Variants in PAK1 observed in about 807,000 individuals in gnomAD.
The protein encoded by PAK1 is serine/threonine-protein kinase PAK 1.
Under a neutral mutation model 67.4 loss-of-function variants are expected in PAK1, and 29 were observed. The ratio of observed to expected loss-of-function variants is 0.43; its 90% CI spans 0.32 to 0.59. PAK1 has a LOEUF of 0.59. PAK1 is among the 20% of genes least tolerant of loss of function. The probability of loss-of-function intolerance (pLI) is 0.07; values close to 1 mark genes in which losing one functional copy is unlikely to be tolerated. For synonymous variants in PAK1, 223 were observed against 237.4 expected, an observed-to-expected ratio of 0.94 and a Z score of 0.56; for missense variants, 337 against 670.7, an observed-to-expected ratio of 0.50 and a Z score of 5.50.
chr11:77,453,610 G>A (rs533685665), intron 1 of PAK1, among the ~76,000 whole-genome samples: 82 of 152,140 alleles, frequency 5.4e-4, no homozygotes, highest in South Asian at 2.9e-3. Context: ...ATAGTGCCAG[G>A]GAAGAACATA....
At chr11:77,485,770 TG>T in the PAK1 span, among the ~76,000 whole-genome samples, 1 of 152,196 alleles carries the variant, frequency 6.6e-6, no homozygotes, top group Non-Finnish European at 1.5e-5. Context: ...CCACCATGCC[TG>T]GCCTAAACTT....
chr11:77,404,138 C>T (rs764498490), intron 1 of PAK1, among the ~76,000 whole-genome samples: 10 of 152,204 alleles, frequency 6.6e-5, no homozygotes, highest in Non-Finnish European at 1.3e-4. Context: ...ATTACCTAGT[C>T]TGTCGTATTC....
At chr11:77,505,567 C>A in the PAK1 span, among the ~76,000 whole-genome samples, 1 of 152,166 alleles carries the variant, frequency 6.6e-6, no homozygotes, top group African/African-American at 2.4e-5. Flanking sequence ...GCTCCCCATT[C>A]CTCTCCCCAT....
intron 2 of PAK1, among the ~76,000 whole-genome samples, chr11:77,385,846 T>G (rs1398828226): frequency 6.6e-6 from 1 of 151,824 alleles, no homozygotes; most frequent in Admixed American, 6.6e-5. Flanking sequence ...CAACAGAGCG[T>G]GACTGTCTCA....
At chr11:77,467,125 T>C (rs912226816) in intron 1 of PAK1, among the ~76,000 whole-genome samples, 3 of 152,184 alleles carry the variant, frequency 2.0e-5, no homozygotes, top group African/African-American at 7.2e-5. Flanking sequence ...TATTGCTCTC[T>C]CTTTCAAGAG....
chr11:77,340,814 C>T (rs368535897), intron 10 of PAK1, 51 bp from the exon 11 acceptor site: 5 of 975,734 alleles, frequency 5.1e-6, no homozygotes, highest in Non-Finnish European at 8.4e-6. Context: ...GTACACTGAG[C>T]CATAGCACTG....
At chr11:77,491,818 G>C in the PAK1 span, among the ~76,000 whole-genome samples, 1 of 152,044 alleles carries the variant, frequency 6.6e-6, no homozygotes, top group Non-Finnish European at 1.5e-5. Flanking sequence ...ATTTAAAAAA[G>C]ACAGGAGTAA....
At chr11:77,369,569 T>A (rs1948134780) in intron 5 of PAK1, among the ~76,000 whole-genome samples, 1 of 147,924 alleles carries the variant, frequency 6.8e-6, no homozygotes, top group African/African-American at 2.5e-5. Context: ...TGCCTCAGCC[T>A]CCCAAGTAGC....
intron 1 of PAK1, among the ~76,000 whole-genome samples, chr11:77,447,202 G>T (rs955653809): frequency 1.3e-5 from 2 of 152,076 alleles, no homozygotes; most frequent in African/African-American, 4.8e-5. Flanking sequence ...TGTTTCCCAG[G>T]GTCTACATTT....
intron 5 of PAK1, among the ~76,000 whole-genome samples, chr11:77,361,140 A>G (rs1286263064): frequency 2.0e-5 from 3 of 152,140 alleles, no homozygotes; most frequent in African/African-American, 7.2e-5. Flanking sequence ...AATAGAGTAA[A>G]AAACAATCAC....
rs967399399 is a variant in PAK1, at chr11:77,334,660, A to T, written c.1413+1426T>A. On this transcript the variant is annotated intron_variant, in intron 13 of 14. Coordinates refer to ENST00000356341, the MANE Select transcript of PAK1 (RefSeq NM_002576.5). The stretch of plus-strand genomic sequence containing the variant: ...GAACCCCTCTCATCGACTTAAGGAT[A>T]TCACTTCTATGGTTGTCACTTCCTT... Among the ~76,000 whole-genome samples, 5 of 152,268 alleles carry T rather than the reference A, an allele frequency of 3.3e-5. No individual in the cohort carries two copies. In the East Asian group the frequency reaches 9.6e-4, roughly 29 times the overall value.
chr11:77,336,329 T>G (rs1942680965), intron 12 of PAK1, 47 bp from the exon 13 acceptor site: 2 of 1,432,242 alleles, frequency 1.4e-6, no homozygotes, highest in Non-Finnish European at 1.9e-6. Flanking sequence ...GGATATACAC[T>G]CACTTCAGTA....
chr11:77,497,928 T>C, the PAK1 span, among the ~76,000 whole-genome samples: 2 of 152,208 alleles, frequency 1.3e-5, no homozygotes, highest in South Asian at 4.1e-4. Flanking sequence ...TTTAAAAAAC[T>C]GCTACCTTCA....
intron 1 of PAK1, among the ~76,000 whole-genome samples, chr11:77,462,573 T>C (rs1246970038): frequency 6.6e-6 from 1 of 152,088 alleles, no homozygotes; most frequent in Non-Finnish European, 1.5e-5. Flanking sequence ...GTCTCACACA[T>C]GTAATCCCAG....
intron 14 of PAK1, among the ~76,000 whole-genome samples, chr11:77,324,984 T>C (rs945714368): frequency 2.6e-5 from 4 of 152,218 alleles, no homozygotes; most frequent in African/African-American, 9.6e-5. Context: ...TATCATTCTA[T>C]GTATTTCTGT....
intron 1 of PAK1, among the ~76,000 whole-genome samples, chr11:77,459,451 T>C (rs947309039): frequency 6.6e-6 from 1 of 152,192 alleles, no homozygotes; most frequent in African/African-American, 2.4e-5. Context: ...TGATAATCCA[T>C]TGGACTGATA....
intron 4 of PAK1, among the ~76,000 whole-genome samples, 193 bp from the exon 5 acceptor site, chr11:77,374,558 G>A (rs932989430): frequency 6.6e-6 from 1 of 152,106 alleles, no homozygotes; most frequent in Non-Finnish European, 1.5e-5. Flanking sequence ...TTATGGCTCT[G>A]AGTACTATTA....
At chr11:77,512,820 G>A in the PAK1 span, among the ~76,000 whole-genome samples, 6 of 152,130 alleles carry the variant, frequency 3.9e-5, no homozygotes, top group South Asian at 2.1e-4. Flanking sequence ...CAGGCCAGGC[G>A]TGGTGGCTCA....
the PAK1 span, among the ~76,000 whole-genome samples, chr11:77,523,653 C>T: frequency 1.3e-5 from 2 of 152,122 alleles, no homozygotes; most frequent in South Asian, 2.1e-4. Context: ...CTCCTGACCT[C>T]GTGATCCTCC....
Sources: gnomAD v4.1 joint callset for allele counts (sites outside exome capture counted in the v4.1 genomes callset) on GRCh38, gnomAD v4.1.1 for gene constraint, MANE v1.5 for transcripts, NCBI Gene and HGNC (gene_info 2026-07-23, HGNC 2026-07-21) for gene names.